The following KIAA1217 variants were observed in gnomAD, a reference collection of about 807,000 sequenced individuals.
KIAA1217 encodes sickle tail protein homolog.
Under a neutral mutation model 163.9 loss-of-function variants are expected in KIAA1217, and 88 were observed. The ratio of observed to expected loss-of-function variants is 0.54; its 90% CI spans 0.45 to 0.64. The LOEUF (loss-of-function observed/expected upper bound fraction) is 0.64, where lower values mean the gene tolerates loss of function less well. Ranked by LOEUF, KIAA1217 falls within the 30% of genes least tolerant of loss-of-function variation. The probability of loss-of-function intolerance (pLI) is 0.00; values close to 1 mark genes in which losing one functional copy is unlikely to be tolerated. For synonymous variants in KIAA1217, 903 were observed against 923.1 expected (o/e 0.98, Z 0.39); for missense variants, 2,372 against 2,475.0 (o/e 0.96, Z 0.88).
intron 10 of KIAA1217, among the ~76,000 whole-genome samples, chr10:24,515,364 G>A (rs1238635123): frequency 1.3e-5 from 2 of 152,084 alleles, no homozygotes; most frequent in African/African-American, 2.4e-5. Flanking sequence ...CACCACGCCC[G>A]GCCAGTAAAT....
intron 1 of KIAA1217, among the ~76,000 whole-genome samples, chr10:23,942,749 T>G (rs10828577): frequency 0.39 from 58,689 of 151,852 alleles, 12,942 homozygotes; most frequent in African/African-American, 0.61. Flanking sequence ...GGATAGGCAA[T>G]GATGCATACT....
chr10:23,863,954 G>A (rs1270300116), intron 1 of KIAA1217, among the ~76,000 whole-genome samples: 1 of 152,018 alleles, frequency 6.6e-6, no homozygotes, highest in African/African-American at 2.4e-5. Context: ...CCTCTTGTCT[G>A]TAATAAAAAT....
Position 24,473,387 on chromosome 10 carries a change from C to A in KIAA1217, c.1006C>A (p.Arg336Ser), listed in dbSNP as rs145583020. ...GTCCAGAATTCCTTATGGGGGCACC[C>A]GCTCCATGGTTGTTCCTGGCAATGC... ...SPSRIPYGGTRSMVVPGNATI... is the reference protein window; with the variant it reads ...SPSRIPYGGTSSMVVPGNATI... The change falls in exon 6 of 21, where the codon CGC becomes AGC. Residue 336 changes from arginine (R) to serine (S), a missense_variant. Around this residue, in one of 3 missense-constraint regions of KIAA1217, gnomAD observed 1,431 missense variants for 1,470.3 expected, o/e 0.97. Coordinates refer to ENST00000376454, the MANE Select transcript of KIAA1217 (RefSeq NM_019590.5). The A allele has an allele frequency of 6.2e-7, 1 of 1,612,860 alleles. No individual in the cohort carries two copies. Among genetic ancestry groups the A allele is most frequent in the Non-Finnish European group, 8.5e-7 (1 of 1,179,288 alleles).
intron 3 of KIAA1217, 116 bp downstream of exon 3, chr10:24,381,183 C>A: frequency 1.3e-6 from 1 of 772,822 alleles, no homozygotes; most frequent in South Asian, 3.6e-5. Flanking sequence ...TGCAAATACT[C>A]TAGTACTGGG....
chr10:24,235,926 T>G (rs2072191575), intron 2 of KIAA1217, among the ~76,000 whole-genome samples: 1 of 152,222 alleles, frequency 6.6e-6, no homozygotes, highest in Admixed American at 6.5e-5. Flanking sequence ...AGCAATTTTA[T>G]TAAACTAGGA....
chr10:24,305,186 T>C (rs1168461920), intron 2 of KIAA1217, among the ~76,000 whole-genome samples: 3 of 152,102 alleles, frequency 2.0e-5, no homozygotes, highest in South Asian at 2.1e-4. Context: ...GAGCACAAAA[T>C]TGGGGAGATA....
At chr10:24,138,599 A>G (rs1428736158) in intron 2 of KIAA1217, among the ~76,000 whole-genome samples, 2 of 140,402 alleles carry the variant, frequency 1.4e-5, no homozygotes, top group Non-Finnish European at 3.0e-5. Flanking sequence ...TAATCGACTT[A>G]GTTAATTTCC....
intron 2 of KIAA1217, chr10:24,158,099 G>A (rs768710938): frequency 1.3e-6 from 1 of 755,182 alleles, no homozygotes; most frequent in Non-Finnish European, 2.5e-6. Flanking sequence ...CGCTCCACAA[G>A]TTAGAAGTAT....
chr10:23,977,845 C>T (rs1214699257), intron 1 of KIAA1217, among the ~76,000 whole-genome samples: 1 of 152,206 alleles, frequency 6.6e-6, no homozygotes, highest in East Asian at 1.9e-4. Flanking sequence ...AGACTGCTCA[C>T]TCAGCAGCCC....
chr10:24,255,214 G>A (rs1275511364), intron 2 of KIAA1217: 4 of 217,232 alleles, frequency 1.8e-5, no homozygotes, highest in Non-Finnish European at 2.8e-5. Flanking sequence ...GAGAACTACG[G>A]AAAAGAGACC....
chr10:24,413,643 C>T lies in KIAA1217; in HGVS notation c.554-19352C>T, dbSNP rs144305124. Among the ~76,000 whole-genome samples, 1,015 of 152,310 alleles carry T rather than the reference C, an allele frequency of 6.7e-3. 5 individuals are homozygous for T. Among genetic ancestry groups the T allele is most frequent in the Middle Eastern group, 0.031 (9 of 294 alleles). On this transcript the variant is annotated intron_variant, in intron 3 of 20. Transcript: ENST00000376454. ...ATTCCATTTCTCATCTCACTCATTT[C>T]CCTCCAAACACAGTAGCTCTCTGCT...
chr10:24,133,266 G>A (rs1002066756), intron 2 of KIAA1217, among the ~76,000 whole-genome samples: 1 of 152,060 alleles, frequency 6.6e-6, no homozygotes, highest in Non-Finnish European at 1.5e-5. Context: ...AAGCTGTCAT[G>A]ATTCTATTAG....
intron 3 of KIAA1217, among the ~76,000 whole-genome samples, chr10:24,404,379 C>T (rs150301092): frequency 0.015 from 2,209 of 151,960 alleles, 23 homozygotes; most frequent in Non-Finnish European, 0.021. Context: ...CCCTCCTGGC[C>T]AACATGGTGA....
At chr10:24,222,886 C>T (rs1279821669) in intron 2 of KIAA1217, among the ~76,000 whole-genome samples, 1 of 152,148 alleles carries the variant, frequency 6.6e-6, no homozygotes, top group East Asian at 1.9e-4. Context: ...GCTGGTTGCC[C>T]ATTTTTATGG....
chr10:24,012,139 G>A (rs1362899424), intron 2 of KIAA1217, among the ~76,000 whole-genome samples: 1 of 152,152 alleles, frequency 6.6e-6, no homozygotes, highest in Non-Finnish European at 1.5e-5. Context: ...AGGTGGTGCT[G>A]GTTGCAGTTC....
intron 5 of KIAA1217, among the ~76,000 whole-genome samples, chr10:24,449,237 G>A (rs2061204200): frequency 6.6e-6 from 1 of 152,032 alleles, no homozygotes; most frequent in African/African-American, 2.4e-5. Context: ...AGCAAGAAAA[G>A]GTAATATATG....
At chr10:23,849,508 G>A (rs562479834) in intron 1 of KIAA1217, among the ~76,000 whole-genome samples, 1 of 152,100 alleles carries the variant, frequency 6.6e-6, no homozygotes, top group South Asian at 2.1e-4. Context: ...TCCCTCCTAA[G>A]GAATATTCTC....
intron 1 of KIAA1217, among the ~76,000 whole-genome samples, chr10:23,906,869 T>G (rs73604433): frequency 0.11 from 17,486 of 152,140 alleles, 3,314 homozygotes; most frequent in African/African-American, 0.39. Context: ...CCACCATGAC[T>G]GGGTTCCCTT....
At chr10:24,496,386 A>G (rs779439317) in intron 8 of KIAA1217, among the ~76,000 whole-genome samples, 4 of 152,272 alleles carry the variant, frequency 2.6e-5, no homozygotes, top group Admixed American at 2.0e-4. Context: ...TACTTAATTC[A>G]TTCATTTTTT....
Sources: allele counts gnomAD v4.1 joint callset (sites outside exome capture counted in the v4.1 genomes callset), GRCh38; gene constraint gnomAD v4.1.1; regional missense constraint gnomAD v4.1.1; transcripts MANE v1.5; gene names NCBI Gene and HGNC (gene_info 2026-07-23, HGNC 2026-07-21).